The following PPP1R13B variants were observed in gnomAD, a reference collection of about 807,000 sequenced individuals.
PPP1R13B encodes apoptosis-stimulating of p53 protein 1.
Under a neutral mutation model 119.8 loss-of-function variants are expected in PPP1R13B, and 44 were observed. The observed-to-expected ratio is 0.37, with a 90% CI of 0.29 to 0.47. PPP1R13B has a LOEUF of 0.47. Ranked by LOEUF, PPP1R13B falls within the 20% of genes least tolerant of loss-of-function variation. The pLI, the probability that PPP1R13B is intolerant of heterozygous loss-of-function variation, is 0.99. For missense variants in PPP1R13B, 1,227 were observed against 1,413.5 expected (o/e 0.87, Z 2.12); for synonymous variants, 542 against 561.5 (o/e 0.97, Z 0.49).
chr14:103,756,517 G>A (rs2084681509), intron 5 of PPP1R13B, among the ~76,000 whole-genome samples: 1 of 152,156 alleles, frequency 6.6e-6, no homozygotes, highest in Non-Finnish European at 1.5e-5. Flanking sequence ...AATAACCAGT[G>A]TAGAACTCAG....
intron 16 of PPP1R13B, among the ~76,000 whole-genome samples, chr14:103,735,758 G>GC (rs1390339521): frequency 1.3e-5 from 2 of 152,196 alleles, no homozygotes; most frequent in African/African-American, 4.8e-5. Context: ...TCATTGAGCG[G>GC]CCCCTCACTG....
intron 1 of PPP1R13B, among the ~76,000 whole-genome samples, chr14:103,802,806 A>G (rs763391749): frequency 6.6e-6 from 1 of 152,216 alleles, no homozygotes; most frequent in African/African-American, 2.4e-5. Flanking sequence ...GTAAATCTGG[A>G]TATTTTTAAA....
chr14:103,759,823 T>C (rs969904936), intron 4 of PPP1R13B, among the ~76,000 whole-genome samples: 6 of 152,218 alleles, frequency 3.9e-5, no homozygotes, highest in Non-Finnish European at 8.8e-5. Flanking sequence ...ATAGAGCTTA[T>C]TAAAATATTT....
Position 103,742,091 on chromosome 14 carries a change from G to A in PPP1R13B, c.1521C>T (p.Gly507=). ...RQRPTLLPAT[G]STPQPGSSQQ... Reference sequence around the variant, plus strand: ...GTGAGGAGCCTGGCTGGGGGGTGCTGCCTGTGGCGGGCAGCAGGGTGGGCC... The same window carrying A: ...GTGAGGAGCCTGGCTGGGGGGTGCTACCTGTGGCGGGCAGCAGGGTGGGCC... The change falls in exon 11 of 17, where the codon GGC becomes GGT. Residue 507 remains glycine (G), a synonymous_variant. Coordinates refer to ENST00000202556, the MANE Select transcript of PPP1R13B (RefSeq NM_015316.3). The surrounding 1 kb of genome is among the most constrained non-coding windows in gnomAD (Gnocchi z 4.9). The A allele has an allele frequency of 1.9e-6, 3 of 1,613,770 alleles. No homozygotes were observed. Among genetic ancestry groups the A allele is most frequent in the South Asian group, 1.1e-5 (1 of 91,074 alleles).
intron 1 of PPP1R13B, among the ~76,000 whole-genome samples, chr14:103,829,244 C>T (rs1003458646): frequency 3.9e-5 from 6 of 152,044 alleles, no homozygotes; most frequent in African/African-American, 9.7e-5. Flanking sequence ...AATGTTGCAG[C>T]GAACAAGGAA....
Position 103,754,065 on chromosome 14 carries a change from C to A in PPP1R13B, c.631+5G>T. The stretch of plus-strand genomic sequence containing the variant: ...TGGTGTCGAGGGGGTGTTGCAGGCA[C>A]GTACACAGATTGCCGTTCATGATTT... On this transcript the variant is annotated splice_donor_5th_base_variant and intron_variant, in intron 6 of 16. Transcript: ENST00000202556. 6.2e-7 allele frequency: 1 copy of A among 1,613,712 alleles called. No individual in the cohort carries two copies. Among genetic ancestry groups the A allele is most frequent in the Non-Finnish European group, 8.5e-7 (1 of 1,179,812 alleles).
chr14:103,772,049 A>AT (rs751831874), intron 4 of PPP1R13B, among the ~76,000 whole-genome samples: 80 of 152,160 alleles, frequency 5.3e-4, no homozygotes, highest in Non-Finnish European at 9.3e-4. Flanking sequence ...GTTACTAGAG[A>AT]TTATGTTTTC....
At chr14:103,758,634 G>C (rs1243943377) in intron 4 of PPP1R13B, among the ~76,000 whole-genome samples, 1 of 152,186 alleles carries the variant, frequency 6.6e-6, no homozygotes, top group Non-Finnish European at 1.5e-5. Context: ...CCCACTCTGG[G>C]TGAGGAGCTA....
At chr14:103,821,370 G>A (rs755558926) in intron 1 of PPP1R13B, among the ~76,000 whole-genome samples, 9 of 152,044 alleles carry the variant, frequency 5.9e-5, no homozygotes, top group Non-Finnish European at 8.8e-5. Flanking sequence ...AAGCCTCCCC[G>A]CAACTTTTAA....
At chr14:103,773,548 T>A (rs2085117982) in intron 4 of PPP1R13B, among the ~76,000 whole-genome samples, 1 of 152,184 alleles carries the variant, frequency 6.6e-6, no homozygotes, top group Admixed American at 6.5e-5. Context: ...AAAGCGGGAC[T>A]AACAGCAGTG....
chr14:103,769,500 A>C (rs1254727845), intron 4 of PPP1R13B, among the ~76,000 whole-genome samples: 1 of 152,080 alleles, frequency 6.6e-6, no homozygotes, highest in East Asian at 1.9e-4. Flanking sequence ...TTGGCCTCTC[A>C]AAGTGCTGGG....
At chr14:103,772,221 G>A (rs2085087456) in intron 4 of PPP1R13B, among the ~76,000 whole-genome samples, 2 of 152,208 alleles carry the variant, frequency 1.3e-5, no homozygotes, top group Non-Finnish European at 2.9e-5. Flanking sequence ...ATATACCATA[G>A]TCTATTTGTG....
chr14:103,771,782 A>C (rs2085076052), intron 4 of PPP1R13B, among the ~76,000 whole-genome samples: 1 of 152,194 alleles, frequency 6.6e-6, no homozygotes, highest in South Asian at 2.1e-4. Flanking sequence ...TGCCCGGCCT[A>C]AAACTTCTAG....
chr14:103,781,714 C>T (rs897812519), intron 3 of PPP1R13B, among the ~76,000 whole-genome samples: 1 of 151,034 alleles, frequency 6.6e-6, no homozygotes, highest in South Asian at 2.1e-4. Context: ...TGTAGTGGCG[C>T]GATCTCAGCT....
At chr14:103,745,395 C>T (rs1310643864) in intron 9 of PPP1R13B, among the ~76,000 whole-genome samples, 3 of 152,174 alleles carry the variant, frequency 2.0e-5, no homozygotes, top group Non-Finnish European at 4.4e-5. Flanking sequence ...TTTTCATAAA[C>T]GAAGGAATGT....
intron 1 of PPP1R13B, among the ~76,000 whole-genome samples, chr14:103,825,024 G>A (rs2086504181): frequency 6.6e-6 from 1 of 152,076 alleles, no homozygotes; most frequent in South Asian, 2.1e-4. Context: ...AACAGCATGT[G>A]CTCACCCATG....
chr14:103,802,482 C>T (rs56722734), intron 1 of PPP1R13B, among the ~76,000 whole-genome samples: 235 of 152,294 alleles, frequency 1.5e-3, no homozygotes, highest in African/African-American at 5.4e-3. Context: ...ACTTCGGAAT[C>T]GGTTTTTCTT....
At chr14:103,816,011 G>A (rs2086270736) in intron 1 of PPP1R13B, among the ~76,000 whole-genome samples, 1 of 147,922 alleles carries the variant, frequency 6.8e-6, no homozygotes, top group Non-Finnish European at 1.5e-5. Context: ...ATGAACCCAG[G>A]AGACAGAGCT....
chr14:103,736,446 G>A (rs1339563551), intron 15 of PPP1R13B: 18 of 579,282 alleles, frequency 3.1e-5, no homozygotes, highest in Admixed American at 1.2e-4. Context: ...CAGGACAAAC[G>A]AGCTCCTGAG....
Sources: allele counts gnomAD v4.1 joint callset (sites outside exome capture counted in the v4.1 genomes callset), GRCh38; gene constraint gnomAD v4.1.1; non-coding constraint Gnocchi (gnomAD v3.1); transcripts MANE v1.5; gene names NCBI Gene and HGNC (gene_info 2026-07-23, HGNC 2026-07-21).